NIN: variants seen among roughly 807,000 people sequenced by gnomAD.
The protein encoded by NIN is ninein.
Under a neutral mutation model 257.6 loss-of-function variants are expected in NIN, and 137 were observed. The ratio of observed to expected loss-of-function variants is 0.53; its 90% CI spans 0.46 to 0.61. The LOEUF (loss-of-function observed/expected upper bound fraction) is 0.61. NIN is among the 20% of genes least tolerant of loss of function. NIN has a pLI of 0.00. For synonymous variants in NIN, 918 were observed against 919.8 expected, an observed-to-expected ratio of 1.00 and a Z score of 0.04; for missense variants, 2,439 against 2,501.2, an observed-to-expected ratio of 0.98 and a Z score of 0.53.
chr14:50,821,251 C>G (rs1051726981), intron 3 of NIN, among the ~76,000 whole-genome samples: 5 of 152,146 alleles, frequency 3.3e-5, no homozygotes, highest in South Asian at 4.1e-4. Flanking sequence ...GAAAAAAAGA[C>G]CCTCTCTCAC....
intron 7 of NIN, among the ~76,000 whole-genome samples, chr14:50,776,683 G>A (rs1216977957): frequency 2.0e-5 from 3 of 152,220 alleles, no homozygotes; most frequent in Non-Finnish European, 4.4e-5. Context: ...TGGCTACAGA[G>A]AGCTAGTGCC....
At chr14:50,729,876 G>A (rs1416546467) in intron 28 of NIN, among the ~76,000 whole-genome samples, 153 bp from the exon 29 acceptor site, 1 of 152,188 alleles carries the variant, frequency 6.6e-6, no homozygotes, top group African/African-American at 2.4e-5. Flanking sequence ...TGGGCCCGAG[G>A]AATACAGAAA....
intron 4 of NIN, 71 bp from the exon 5 acceptor site, chr14:50,792,952 T>G (rs1254527107): frequency 5.3e-6 from 8 of 1,509,290 alleles, no homozygotes; most frequent in Non-Finnish European, 7.3e-6. Context: ...CTCACAGCCA[T>G]CGGACACAGC....
intron 6 of NIN, 63 bp downstream of exon 6, chr14:50,778,702 G>A (rs772495544): frequency 8.8e-5 from 125 of 1,415,658 alleles, no homozygotes; most frequent in Non-Finnish European, 1.2e-4. Context: ...CAGAAAGACC[G>A]GGTGTGGAGA....
chr14:50,787,910 A>C lies in NIN; in HGVS notation c.435+4802T>G, dbSNP rs563767842. Among the ~76,000 whole-genome samples the C allele has an allele frequency of 2.0e-5, 3 of 152,302 alleles. No individual in the cohort carries two copies. The East Asian group carries it at 5.8e-4, about 29-fold the overall frequency. On this transcript the variant is annotated intron_variant, in intron 5 of 30. Coordinates refer to ENST00000530997, the MANE Select transcript of NIN (RefSeq NM_020921.4). ...ATTTGGTAGAAGAGACATGCTTAGT[A>C]GCTAGGTTATATATTTTCTGTTTCA...
rs1482360908 is a variant in NIN at position 50,759,908 on chromosome 14, T to G, written c.2348A>C (p.Glu783Ala). ...LVEKHTLEKE[E>A]LRKELLEKHQ... ...CTTTTCCAAGAGCTCTTTTCTTAAC[T>G]CCTCTTTCTCAAGAGTGTGTTTCTC... Residue 783 changes from glutamate to alanine, a missense_variant, in exon 17 of 31, where the codon GAG (glutamate) becomes GCG (alanine). Transcript: ENST00000530997. 1 of 1,613,798 alleles carries G rather than the reference T, an allele frequency of 6.2e-7. No individual in the cohort carries two copies. The highest frequency in any genetic ancestry group is 8.5e-7 in the Non-Finnish European group (1 of 1,179,962).
At chr14:50,830,649 T>C (rs952550199) in intron 1 of NIN, 132 bp from the exon 2 acceptor site, 1 of 166,478 alleles carries the variant, frequency 6.0e-6, no homozygotes, top group Non-Finnish European at 1.5e-5. Context: ...CATTTCCATA[T>C]GTAAGGGGCC....
intron 5 of NIN, among the ~76,000 whole-genome samples, chr14:50,791,260 G>C (rs2043577295): frequency 6.6e-6 from 1 of 152,146 alleles, no homozygotes; most frequent in Non-Finnish European, 1.5e-5. Flanking sequence ...CCCTGAGATT[G>C]TATATGTAAA....
At chr14:50,750,156 T>A (rs181616646) in intron 21 of NIN, among the ~76,000 whole-genome samples, 8 of 152,250 alleles carry the variant, frequency 5.3e-5, no homozygotes, top group Admixed American at 1.3e-4. Flanking sequence ...CCCCATCAGA[T>A]GTTCCAGGCT....
intron 28 of NIN, among the ~76,000 whole-genome samples, chr14:50,733,097 A>T (rs2040800535): frequency 1.0e-5 from 1 of 97,194 alleles, no homozygotes; most frequent in Non-Finnish European, 2.1e-5. Flanking sequence ...TAGCATTAAT[A>T]ATTTTTTTTT....
chr14:50,744,549 T>A (rs1204645065), intron 22 of NIN, among the ~76,000 whole-genome samples, 184 bp from the exon 23 acceptor site: 1 of 152,232 alleles, frequency 6.6e-6, no homozygotes, highest in Non-Finnish European at 1.5e-5. Context: ...TCTCTCTGAT[T>A]CCCAGTTGAC....
At position 50,776,960 on chromosome 14, in the gene NIN, C is replaced by T. The variant is rs1185253688; in HGVS notation, c.655G>A (p.Val219Met). The T allele has an allele frequency of 3.1e-6, 5 of 1,611,616 alleles. No homozygotes were observed. Among genetic ancestry groups the T allele is most frequent in the East Asian group, 2.2e-5 (1 of 44,888 alleles). ...ACTGCGAGGCTTACCTCTCCATCCACATTCTGTAAACCATACTGCTCACAG... is the reference window on the plus strand; with the variant it reads ...ACTGCGAGGCTTACCTCTCCATCCATATTCTGTAAACCATACTGCTCACAG... ...SICEQYGLQN[V>M]DGEMLEEVFH... is the part of the protein sequence containing the mutation. Residue 219 changes from valine to methionine, a missense_variant, in exon 7 of 31, where the codon GTG becomes ATG. Val to Met is a conservative substitution (Grantham distance 21, BLOSUM62 1). Coordinates refer to ENST00000530997, the MANE Select transcript of NIN (RefSeq NM_020921.4).
At chr14:50,752,860 C>T in intron 20 of NIN, 127 bp from the exon 21 acceptor site, 1 of 527,710 alleles carries the variant, frequency 1.9e-6, no homozygotes, top group Non-Finnish European at 3.2e-6. Flanking sequence ...ATATATATTT[C>T]AAAACAGAAA....
intron 29 of NIN, 81 bp downstream of exon 29, chr14:50,729,442 C>T: frequency 1.5e-6 from 2 of 1,367,060 alleles, no homozygotes; most frequent in Non-Finnish European, 1.0e-6. Context: ...GGTTCTTTCT[C>T]TCCACCTTTG....
At chr14:50,769,786 T>C (rs2042650811) in intron 12 of NIN, among the ~76,000 whole-genome samples, 1 of 151,942 alleles carries the variant, frequency 6.6e-6, no homozygotes, top group African/African-American at 2.4e-5. Context: ...ACAAAACACA[T>C]TTTTTAATTA....
At chr14:50,747,928 C>T in intron 22 of NIN, 64 bp downstream of exon 22, 2 of 1,075,682 alleles carry the variant, frequency 1.9e-6, no homozygotes, top group African/African-American at 1.6e-5. Context: ...GAAATACCAG[C>T]CCAACAGGAG....
In NIN at chr14:50,820,070, G is replaced by A. The variant is rs184246180; in HGVS notation, c.183+1804C>T. Among the ~76,000 whole-genome samples the A allele has an allele frequency of 2.6e-3, 390 of 152,244 alleles. 3 individuals carry two copies. The highest frequency in any genetic ancestry group is 9.1e-3 in the African/African-American group (379 of 41,522). ...ATTAAAAAATGCAAATTTAACAGTAGTGCATTAACTCATGCCAACCCCCCC... is the reference window on the plus strand; with the variant it reads ...ATTAAAAAATGCAAATTTAACAGTAATGCATTAACTCATGCCAACCCCCCC... On this transcript the variant is annotated intron_variant, in intron 3 of 30. Coordinates refer to ENST00000530997, the MANE Select transcript of NIN (RefSeq NM_020921.4).
intron 12 of NIN, among the ~76,000 whole-genome samples, chr14:50,767,763 GC>G (rs1184446888): frequency 6.7e-6 from 1 of 150,232 alleles, no homozygotes; most frequent in Non-Finnish European, 1.5e-5. Context: ...CTTGCAGTGA[GC>G]CGAGATGGCG....
intron 5 of NIN, among the ~76,000 whole-genome samples, chr14:50,786,216 T>TA (rs1054159208): frequency 1.3e-5 from 2 of 152,240 alleles, no homozygotes; most frequent in African/African-American, 4.8e-5. Context: ...TTTTAAAAAA[T>TA]ACCTTTCCTG....
Sources: gnomAD v4.1 joint callset for allele counts (sites outside exome capture counted in the v4.1 genomes callset) on GRCh38, gnomAD v4.1.1 for gene constraint, MANE v1.5 for transcripts, NCBI Gene and HGNC (gene_info 2026-07-23, HGNC 2026-07-21) for gene names.